Variants in ZBTB1 observed in about 807,000 individuals in gnomAD.
The protein encoded by ZBTB1 is zinc finger and BTB domain-containing protein 1.
A neutral mutation model predicts 51.6 loss-of-function variants in ZBTB1; 13 were observed. That is an observed-to-expected ratio of 0.25 (90% confidence interval 0.16 to 0.40). The LOEUF is 0.40. Ranked by LOEUF, ZBTB1 falls within the 10% of genes least tolerant of loss-of-function variation. The pLI, the probability that ZBTB1 is intolerant of heterozygous loss-of-function variation, is 1.00. For missense variants in ZBTB1, 567 were observed against 856.5 expected (o/e 0.66, Z 4.22); for synonymous variants, 240 against 282.2 (o/e 0.85, Z 1.50).
Position 64,522,128 on chromosome 14 carries a change from G to T in ZBTB1, c.624G>T (p.Val208=), listed in dbSNP as rs1037083019. 1.2e-6 allele frequency: 2 copies of T among 1,614,100 alleles called. No homozygotes were observed. Among genetic ancestry groups the T allele is most frequent in the African/African-American group, 2.7e-5 (2 of 74,948 alleles). ...AATTATCTACTCCAAAAGAACGTGTGTCAAGACGCTTTGGGCGGAGTTTTA... is the reference window on the plus strand; with the variant it reads ...AATTATCTACTCCAAAAGAACGTGTTTCAAGACGCTTTGGGCGGAGTTTTA... ...VSKLSTPKER[V]SRRFGRSFTC... The change falls in exon 2 of 2, where the codon GTG becomes GTT. Residue 208 remains valine (V), a synonymous_variant. Coordinates refer to ENST00000683701, the MANE Select transcript of ZBTB1 (RefSeq NM_001123329.2).
downstream of ZBTB1, chr14:64,525,041 G>T (rs1217229919): frequency 1.8e-5 from 12 of 659,090 alleles, no homozygotes; most frequent in Non-Finnish European, 2.3e-5. Context: ...ATATAAATTT[G>T]TGATTCTGAA....
In ZBTB1 at chr14:64,522,705, G is replaced by A. The variant is rs1243911047; in HGVS notation, c.1201G>A (p.Gly401Ser). ...RMSVSADERGGLENMRPPNNS... is the reference protein window; with the variant it reads ...RMSVSADERGSLENMRPPNNS... Reference sequence around the variant, plus strand: ...GTCAGTAAGTGCTGATGAAAGAGGTGGTTTAGAGAATATGAGGCCCCCTAA... The same window carrying A: ...GTCAGTAAGTGCTGATGAAAGAGGTAGTTTAGAGAATATGAGGCCCCCTAA... Residue 401 changes from glycine (G) to serine (S), a missense_variant, in exon 2 of 2, where the codon GGT (glycine) becomes AGT (serine). Around this residue, in one of 5 missense-constraint regions of ZBTB1, gnomAD observed 329 missense variants for 406.3 expected, o/e 0.81. Coordinates refer to ENST00000683701, the MANE Select transcript of ZBTB1 (RefSeq NM_001123329.2). 1.2e-6 allele frequency: 2 copies of A among 1,614,114 alleles called. No homozygotes were observed. The highest frequency in any genetic ancestry group is 4.5e-5 in the East Asian group (2 of 44,892).
In ZBTB1 at chr14:64,521,826, A is replaced by G. The variant is rs1162328258; in HGVS notation, c.322A>G (p.Asn108Asp). The G allele has an allele frequency of 2.5e-6, 4 of 1,611,882 alleles. No homozygotes were observed. Among genetic ancestry groups the G allele is most frequent in the Non-Finnish European group, 3.4e-6 (4 of 1,180,020 alleles). Residue 108 changes from asparagine to aspartate, a missense_variant, in exon 2 of 2, where the codon AAT (asparagine) becomes GAT (aspartate). By Grantham distance (23) the Asn-to-Asp change is conservative. Coordinates refer to ENST00000683701, the MANE Select transcript of ZBTB1 (RefSeq NM_001123329.2). The stretch of plus-strand genomic sequence containing the variant: ...GGCAATGAACTACCTACAGCTATAC[A>G]ATGTTCCTGACTGTTTAGAAGACAT... ...KVAMNYLQLYNVPDCLEDIQD... is the reference protein window; with the variant it reads ...KVAMNYLQLYDVPDCLEDIQD...
intron 1 of ZBTB1, 149 bp downstream of exon 1, chr14:64,505,095 G>A: frequency 2.8e-6 from 1 of 355,564 alleles, no homozygotes; most frequent in East Asian, 4.2e-5. Context: ...AGGACCCGGT[G>A]ACGGGCGGCT....
upstream of ZBTB1, chr14:64,503,822 G>C (rs899174743): frequency 6.3e-6 from 1 of 158,578 alleles, no homozygotes; most frequent in South Asian, 2.0e-4. Flanking sequence ...CCGCGTGTCT[G>C]GTAGCAGGGG....
At chr14:64,532,035 T>G in exon 3 of ZBTB1, 1 of 1,031,842 alleles carries the variant, frequency 9.7e-7, no homozygotes, top group South Asian at 1.8e-5. Flanking sequence ...CCCAAAAAGT[T>G]CCAGTTGCAA....
At chr14:64,507,625 G>T (rs906025523) in intron 1 of ZBTB1, among the ~76,000 whole-genome samples, 1 of 152,302 alleles carries the variant, frequency 6.6e-6, no homozygotes, top group African/African-American at 2.4e-5. Context: ...GGTAAGAATT[G>T]CCAGGTAGAG....
intron 1 of ZBTB1, among the ~76,000 whole-genome samples, chr14:64,520,124 C>T (rs898734215): frequency 3.9e-5 from 6 of 152,080 alleles, no homozygotes; most frequent in Admixed American, 3.3e-4. Flanking sequence ...GCCTCAGCCT[C>T]CTGAGTAGCT....
In ZBTB1 at chr14:64,524,106, A is replaced by T; in HGVS notation, c.*460A>T. 1.0e-6 allele frequency: 1 copy of T among 984,682 alleles called. No homozygotes were observed. Among genetic ancestry groups the T allele is most frequent in the Non-Finnish European group, 1.2e-6 (1 of 829,414 alleles). The allele number at this position is 984,682 out of a possible 1,614,324, so 61.0% of individuals were successfully genotyped here. A position where few individuals can be genotyped will look rare whatever the true frequency, so the allele number is the denominator to read the frequency against. On this transcript the variant is annotated 3_prime_UTR_variant, in exon 2 of 2. Transcript: ENST00000683701. Reference sequence around the variant, plus strand: ...TATCCCGTTTGCTTTTAGTGAGTTAACTACTCTTTATTCCCCCTTATTAAT... The same window carrying T: ...TATCCCGTTTGCTTTTAGTGAGTTATCTACTCTTTATTCCCCCTTATTAAT...
At chr14:64,505,178 C>G (rs1002713608) in intron 1 of ZBTB1, 1 of 329,966 alleles carries the variant, frequency 3.0e-6, no homozygotes, top group South Asian at 1.5e-4. Flanking sequence ...GGCGAAGCCC[C>G]TACGGAGACT....
At chr14:64,513,013 G>C (rs137943336) in intron 1 of ZBTB1, among the ~76,000 whole-genome samples, 3,946 of 152,166 alleles carry the variant, frequency 0.026, 52 homozygotes, top group Middle Eastern at 0.054. Context: ...GTATGCCTCT[G>C]TTATTTAATC....
chr14:64,517,781 A>ATATATATATATAT (rs1160337478), intron 1 of ZBTB1, among the ~76,000 whole-genome samples: 2 of 41,548 alleles, frequency 4.8e-5, no homozygotes, highest in South Asian at 7.9e-4. Flanking sequence ...ATATATATAT[A>ATATATATATATAT]TTTTTTTTTT....
chr14:64,519,459 T>TAA (rs113744354), intron 1 of ZBTB1, among the ~76,000 whole-genome samples: 3 of 135,050 alleles, frequency 2.2e-5, no homozygotes, highest in Admixed American at 7.5e-5. Flanking sequence ...TTTTAACAAT[T>TAA]AAAAAAAAAA....
At chr14:64,514,276 G>T (rs754889303) in intron 1 of ZBTB1, 6 of 152,326 alleles carry the variant, frequency 3.9e-5, no homozygotes, top group South Asian at 4.1e-4. Flanking sequence ...AGAGGTAATT[G>T]TAAGTCAGAG....
intron 1 of ZBTB1, among the ~76,000 whole-genome samples, chr14:64,519,764 C>T (rs887368578): frequency 2.3e-4 from 34 of 149,358 alleles, no homozygotes; most frequent in African/African-American, 7.1e-4. Context: ...GGTAACAGAG[C>T]GAGACCCTGC....
At chr14:64,525,947 GTAGCTGGGATTA>G (rs1412094906), downstream of ZBTB1, among the ~76,000 whole-genome samples, 1 of 152,106 alleles carries the variant, frequency 6.6e-6, no homozygotes, top group African/African-American at 2.4e-5. Flanking sequence ...AGCCTCCTCA[GTAGCTGGGATTA>G]CAGGCGCATG....
chr14:64,504,652 G>C (rs1022064908), upstream of ZBTB1: 2 of 340,098 alleles, frequency 5.9e-6, no homozygotes, highest in African/African-American at 4.3e-5. Flanking sequence ...CGGGCGAGAG[G>C]GAGGGGAAGG....
intron 1 of ZBTB1, chr14:64,518,645 C>T (rs2079822669): frequency 6.6e-6 from 1 of 152,036 alleles, no homozygotes; most frequent in African/African-American, 2.4e-5. Context: ...CAGCTTGTTA[C>T]ATGTTCTTTT....
Position 64,504,780 on chromosome 14 carries a change from A to G in ZBTB1, c.-185A>G. On this transcript the variant is annotated 5_prime_UTR_variant, in exon 1 of 2. Coordinates refer to ENST00000683701, the MANE Select transcript of ZBTB1 (RefSeq NM_001123329.2). ...CAGCGGAAGTCCTTTGTTGCAGCAC[A>G]GTCCCTGGCAGAGCCAGAGCCTCTC... 2.6e-6 allele frequency: 1 copy of G among 380,098 alleles called. No homozygotes were observed. 23.5% of individuals were successfully genotyped at this position (380,098 alleles called of 1,614,324 possible).
Sources: allele counts gnomAD v4.1 joint callset (sites outside exome capture counted in the v4.1 genomes callset), GRCh38; gene constraint gnomAD v4.1.1; regional missense constraint gnomAD v4.1.1; transcripts MANE v1.5; gene names NCBI Gene and HGNC (gene_info 2026-07-23, HGNC 2026-07-21).